FUT9: variants seen among roughly 807,000 people sequenced by gnomAD.
The protein encoded by FUT9 is 4-galactosyl-N-acetylglucosaminide 3-alpha-L-fucosyltransferase 9.
A neutral mutation model predicts 29.7 loss-of-function variants in FUT9; 15 were observed. That is an observed-to-expected ratio of 0.51 (90% CI 0.34 to 0.78). FUT9 has a LOEUF of 0.78. Among genes scored for constraint, FUT9 ranks in the 30% least tolerant of loss-of-function variants. FUT9 has a pLI of 0.01. For synonymous variants in FUT9, 169 were observed against 153.7 expected (o/e 1.10, Z -0.74); for missense variants, 319 against 425.4 (o/e 0.75, Z 2.20).
intron 2 of FUT9, among the ~76,000 whole-genome samples, chr6:96,127,460 T>C (rs1317236001): frequency 6.6e-6 from 1 of 152,210 alleles, no homozygotes; most frequent in East Asian, 1.9e-4. Flanking sequence ...TTTAGGTTTA[T>C]TCCGTGTCTT....
chr6:96,073,141 G>A (rs1771090133), intron 1 of FUT9, among the ~76,000 whole-genome samples: 1 of 152,128 alleles, frequency 6.6e-6, no homozygotes, highest in African/African-American at 2.4e-5. Context: ...GAGAAGAAGA[G>A]ATTTGAACTG....
At chr6:96,126,600 G>A (rs1772138322) in intron 2 of FUT9, among the ~76,000 whole-genome samples, 2 of 152,178 alleles carry the variant, frequency 1.3e-5, no homozygotes, top group Admixed American at 1.3e-4. Flanking sequence ...TCAATTACAT[G>A]CAATGAGTTG....
At chr6:96,125,697 T>C (rs1347315487) in intron 2 of FUT9, among the ~76,000 whole-genome samples, 1 of 152,164 alleles carries the variant, frequency 6.6e-6, no homozygotes, top group Admixed American at 6.5e-5. Flanking sequence ...CAGAGCCCCA[T>C]GCAACAGTGA....
At chr6:96,167,827 G>A (rs1311071758) in intron 2 of FUT9, among the ~76,000 whole-genome samples, 1 of 152,128 alleles carries the variant, frequency 6.6e-6, no homozygotes, top group East Asian at 1.9e-4. Flanking sequence ...ACGTGACCTA[G>A]GGTGGAGAGT....
intron 1 of FUT9, among the ~76,000 whole-genome samples, chr6:96,056,920 G>A (rs969603305): frequency 6.6e-6 from 1 of 152,070 alleles, no homozygotes; most frequent in East Asian, 1.9e-4. Context: ...AGTAGAAACC[G>A]TACTGCAAGT....
chr6:96,116,079 TA>T (rs528857353), intron 2 of FUT9, among the ~76,000 whole-genome samples: 1 of 152,072 alleles, frequency 6.6e-6, no homozygotes, highest in African/African-American at 2.4e-5. Flanking sequence ...CCATAATATA[TA>T]AAAAACTCTT....
chr6:96,072,563 T>G (rs1771080053), intron 1 of FUT9, among the ~76,000 whole-genome samples: 1 of 152,214 alleles, frequency 6.6e-6, no homozygotes, highest in Non-Finnish European at 1.5e-5. Flanking sequence ...CATAATGATG[T>G]CCACAATTCA....
intron 2 of FUT9, among the ~76,000 whole-genome samples, chr6:96,119,316 T>C (rs9377385): frequency 0.86 from 131,058 of 152,126 alleles, 57,476 homozygotes; most frequent in Admixed American, 0.94. Flanking sequence ...CAAATACCAT[T>C]GTGTTAAAAT....
At chr6:96,118,388 A>G (rs534969735) in intron 2 of FUT9, among the ~76,000 whole-genome samples, 7 of 152,256 alleles carry the variant, frequency 4.6e-5, no homozygotes, top group Non-Finnish European at 7.4e-5. Context: ...CCACATGTAC[A>G]TCAGTGGTCC....
intron 1 of FUT9, among the ~76,000 whole-genome samples, chr6:96,054,649 C>T (rs907361742): frequency 6.6e-6 from 1 of 152,084 alleles, no homozygotes; most frequent in Non-Finnish European, 1.5e-5. Context: ...GTGAAACAAT[C>T]CAGCATACTT....
intron 2 of FUT9, among the ~76,000 whole-genome samples, chr6:96,122,991 G>T (rs9485738): frequency 0.91 from 136,455 of 149,302 alleles, 63,330 homozygotes; most frequent in East Asian, 1. Flanking sequence ...ACCCAGAAGG[G>T]GGAGCTTGCA....
chr6:96,074,444 G>C (rs1001654058), intron 1 of FUT9, among the ~76,000 whole-genome samples: 2 of 152,052 alleles, frequency 1.3e-5, no homozygotes, highest in Admixed American at 6.6e-5. Flanking sequence ...TATATAGTTA[G>C]GAGTCAGATT....
At chr6:96,197,015 C>T (rs1773639630) in intron 2 of FUT9, among the ~76,000 whole-genome samples, 1 of 152,034 alleles carries the variant, frequency 6.6e-6, no homozygotes, top group Non-Finnish European at 1.5e-5. Flanking sequence ...CTACTGCTTG[C>T]TTTAGGAGAT....
chr6:96,106,756 T>A (rs1771693797), intron 1 of FUT9, among the ~76,000 whole-genome samples: 1 of 152,214 alleles, frequency 6.6e-6, no homozygotes, highest in South Asian at 2.1e-4. Flanking sequence ...AGAAAAGTCA[T>A]GGCTTATCAT....
chr6:96,143,821 G>C (rs1284466906), intron 2 of FUT9, among the ~76,000 whole-genome samples: 1 of 152,154 alleles, frequency 6.6e-6, no homozygotes, highest in Non-Finnish European at 1.5e-5. Context: ...AAAGAAGCTA[G>C]GAGGGAGTCA....
At chr6:96,177,915 A>G (rs1431825387) in intron 2 of FUT9, among the ~76,000 whole-genome samples, 1 of 152,192 alleles carries the variant, frequency 6.6e-6, no homozygotes, top group Non-Finnish European at 1.5e-5. Context: ...TACACCAACC[A>G]ATAATATTTA....
chr6:96,111,591 G>A (rs1483190376), intron 1 of FUT9, among the ~76,000 whole-genome samples: 1 of 143,800 alleles, frequency 7.0e-6, no homozygotes, highest in Non-Finnish European at 1.5e-5. Flanking sequence ...ACACAAATCT[G>A]AGTTACCAAA....
intron 2 of FUT9, among the ~76,000 whole-genome samples, chr6:96,139,045 T>G (rs971845176): frequency 6.6e-6 from 1 of 152,106 alleles, no homozygotes; most frequent in East Asian, 1.9e-4. Flanking sequence ...ACATTACAGG[T>G]GTATATTGGT....
At chr6:96,078,408 CTTTTT>C (rs71012536) in intron 1 of FUT9, among the ~76,000 whole-genome samples, 25 of 44,188 alleles carry the variant, frequency 5.7e-4, no homozygotes, top group Non-Finnish European at 8.3e-4. Flanking sequence ...TATTAGTCTT[CTTTTT>C]TTTTTTTTTT....
Sources: gnomAD v4.1 joint callset for allele counts (sites outside exome capture counted in the v4.1 genomes callset) on GRCh38, gnomAD v4.1.1 for gene constraint, MANE v1.5 for transcripts, NCBI Gene and HGNC (gene_info 2026-07-23, HGNC 2026-07-21) for gene names.